The following SLC37A2 variants were observed in gnomAD, a reference collection of about 807,000 sequenced individuals.
SLC37A2 encodes the protein solute carrier family 37 member 2.
Under a neutral mutation model 70.7 loss-of-function variants are expected in SLC37A2, and 59 were observed. The ratio of observed to expected loss-of-function variants is 0.83; its 90% CI spans 0.68 to 1.04. SLC37A2 has a LOEUF of 1.04. Among genes scored for constraint, SLC37A2 ranks in the 50% least tolerant of loss-of-function variants. The probability of loss-of-function intolerance (pLI) is 0.00; values close to 1 mark genes in which losing one functional copy is unlikely to be tolerated. For synonymous variants in SLC37A2, 257 were observed against 262.1 expected (o/e 0.98, Z 0.19); for missense variants, 580 against 658.1 (o/e 0.88, Z 1.30).
At position 125,085,611 on chromosome 11, in the gene SLC37A2, C is replaced by T; in HGVS notation, c.1362C>T (p.Ile454=). 6.2e-7 allele frequency: 1 copy of T among 1,613,880 alleles called. No homozygotes were observed. Among genetic ancestry groups the T allele is most frequent in the Non-Finnish European group, 8.5e-7 (1 of 1,180,026 alleles). ...AALGPLLAGL[I]SPTGWNNVFY... ...TGGGGCCTCTGCTGGCTGGGCTCAT[C>T]TCCCCCACGGGCTGGAACAATGTCT... Residue 454 remains isoleucine (I), a synonymous_variant, in exon 16 of 18, where the codon ATC becomes ATT. Transcript: ENST00000403796.
intron 10 of SLC37A2, 50 bp downstream of exon 10, chr11:125,082,384 G>C: frequency 6.6e-7 from 1 of 1,525,290 alleles, no homozygotes; most frequent in Non-Finnish European, 9.1e-7. Context: ...GGCCAAGGCT[G>C]CCTCTGGTGG....
At position 125,081,869 on chromosome 11, in the gene SLC37A2, C is replaced by T; in HGVS notation, c.848C>T (p.Pro283Leu). Residue 283 changes from proline to leucine, a missense_variant, in exon 9 of 18, where the codon CCT becomes CTT. Transcript: ENST00000403796. ...AKCSKGPCEE[P>L]AAISFFGALR... ...TGCTCCAAGGGGCCATGCGAAGAGC[C>T]TGCTGCCATCAGCTTCTTTGGGGCG... is the stretch of plus-strand genomic sequence containing the variant. The T allele has an allele frequency of 6.2e-7, 1 of 1,613,550 alleles. No individual in the cohort carries two copies. The highest frequency in any genetic ancestry group is 8.5e-7 in the Non-Finnish European group (1 of 1,179,730).
intron 17 of SLC37A2, 91 bp from the exon 18 acceptor site, chr11:125,088,028 C>A (rs1949241762): frequency 7.1e-7 from 1 of 1,408,122 alleles, no homozygotes; most frequent in Non-Finnish European, 9.8e-7. Context: ...GATGAAGGGA[C>A]CCTGGGACCC....
intron 1 of SLC37A2, among the ~76,000 whole-genome samples, chr11:125,076,289 G>T (rs369704194): frequency 1.3e-5 from 2 of 152,090 alleles, no homozygotes; most frequent in African/African-American, 4.8e-5. Flanking sequence ...TGTCTGCCCT[G>T]TTCGAAGCTT....
intron 14 of SLC37A2, 116 bp from the exon 15 acceptor site, chr11:125,085,278 CT>C: frequency 1.6e-6 from 2 of 1,269,230 alleles, no homozygotes; most frequent in African/African-American, 1.5e-5. Context: ...CCATGGGCCC[CT>C]CTCCTCTCAA....
intron 1 of SLC37A2, among the ~76,000 whole-genome samples, chr11:125,076,419 C>T (rs952710388): frequency 1.1e-4 from 17 of 152,220 alleles, no homozygotes; most frequent in Non-Finnish European, 2.9e-5. Flanking sequence ...CTGCCACACA[C>T]ATGCACACAC....
chr11:125,081,469 G>A lies in SLC37A2; in HGVS notation c.732+11G>A. On this transcript the variant is annotated intron_variant, in intron 8 of 17. Transcript: ENST00000403796. The stretch of plus-strand genomic sequence containing the variant: ...CCTCCTCAGCACCACGTGAGTGTGA[G>A]CCCTCCCAGCCCTATCCCTGCCCTC... 1 of 1,606,424 alleles carries A rather than the reference G, an allele frequency of 6.2e-7. No individual in the cohort carries two copies. The highest frequency in any genetic ancestry group is 8.5e-7 in the Non-Finnish European group (1 of 1,175,512).
At chr11:125,065,746 G>T (rs1185064488) in intron 1 of SLC37A2, among the ~76,000 whole-genome samples, 2 of 151,218 alleles carry the variant, frequency 1.3e-5, no homozygotes, top group Non-Finnish European at 2.9e-5. Context: ...TTCTAATTAT[G>T]TACTGGTAAA....
At chr11:125,085,203 C>T (rs1949194648) in intron 14 of SLC37A2, 64 bp downstream of exon 14, 4 of 1,500,728 alleles carry the variant, frequency 2.7e-6, no homozygotes, top group Admixed American at 1.7e-5. Context: ...GCCACCATCT[C>T]CAGGTCCATT....
At position 125,077,536 on chromosome 11, in the gene SLC37A2, C is replaced by G. The variant is rs756830585; in HGVS notation, c.314+8C>G. 6.2e-7 allele frequency: 1 copy of G among 1,611,064 alleles called. No homozygotes were observed. Among genetic ancestry groups the G allele is most frequent in the African/African-American group, 1.3e-5 (1 of 74,974 alleles). The stretch of plus-strand genomic sequence containing the variant: ...CATCGGCATGTTCATCAGGTAAGGA[C>G]AGAGGCTGAGCCTATGACCAAGAGG... On this transcript the variant is annotated splice_region_variant and intron_variant, in intron 4 of 17. Transcript: ENST00000403796.
intron 1 of SLC37A2, among the ~76,000 whole-genome samples, chr11:125,064,945 A>T (rs1358436765): frequency 6.6e-6 from 1 of 152,240 alleles, no homozygotes; most frequent in Non-Finnish European, 1.5e-5. Flanking sequence ...GGCAAAATTT[A>T]TGTTATGTAT....
Position 125,088,191 on chromosome 11 carries a change from C to A in SLC37A2, c.*57C>A. 1 of 1,540,272 alleles carries A rather than the reference C, an allele frequency of 6.5e-7. No homozygotes were observed. Among genetic ancestry groups the A allele is most frequent in the East Asian group, 2.5e-5 (1 of 40,786 alleles). On this transcript the variant is annotated 3_prime_UTR_variant, in exon 18 of 18. Transcript: ENST00000403796. Reference sequence around the variant, plus strand: ...CCAGTTGGGTCCCCAACGTGCTCCCCATGGGCAAGACAATGGAAACTTCCA... The same window carrying A: ...CCAGTTGGGTCCCCAACGTGCTCCCAATGGGCAAGACAATGGAAACTTCCA...
At position 125,080,405 on chromosome 11, in the gene SLC37A2, G is replaced by T. The variant is rs1949133638; in HGVS notation, c.528-209G>T. Among the ~76,000 whole-genome samples, 1 of 152,152 alleles carries T rather than the reference G, an allele frequency of 6.6e-6. No homozygotes were observed. Among genetic ancestry groups the T allele is most frequent in the South Asian group, 2.1e-4 (1 of 4,826 alleles). On this transcript the variant is annotated intron_variant, in intron 6 of 17. Transcript: ENST00000403796. The surrounding 1 kb of genome is among the most constrained non-coding windows in gnomAD (Gnocchi z 4.3). ...GGCACTCACTCAGGGAGCTGGGCAG[G>T]CGGAGCGAGACCACAGGCCCTGCAG... is the stretch of plus-strand genomic sequence containing the variant.
intron 16 of SLC37A2, 79 bp from the exon 17 acceptor site, chr11:125,085,875 A>C (rs537043776): frequency 7.1e-6 from 10 of 1,407,234 alleles, no homozygotes; most frequent in South Asian, 6.9e-5. Context: ...CTGCCAGTCC[A>C]CGGGTCACCC....
intron 1 of SLC37A2, among the ~76,000 whole-genome samples, chr11:125,071,648 G>C (rs1425445473): frequency 2.0e-5 from 3 of 152,214 alleles, no homozygotes; most frequent in Non-Finnish European, 4.4e-5. Context: ...ATGTGCCCAC[G>C]TCCCAGCTGG....
At position 125,063,558 on chromosome 11, in the gene SLC37A2, T is replaced by A. The variant is rs1948952098; in HGVS notation, c.59+132T>A. 1 of 804,326 alleles carries A rather than the reference T, an allele frequency of 1.2e-6. No homozygotes were observed. The allele number at this position is 804,326 out of a possible 1,614,324, so 49.8% of individuals were successfully genotyped here. ...CGTGGCCAGGGGTGCTGGGGGGACT[T>A]GGTCCCGAGCTCCTCCAGCGGCGCC... On this transcript the variant is annotated intron_variant, in intron 1 of 17. Transcript: ENST00000403796. The surrounding 1 kb of genome is among the most constrained non-coding windows in gnomAD (Gnocchi z 5.4).
intron 1 of SLC37A2, among the ~76,000 whole-genome samples, chr11:125,073,051 T>TG (rs1442196780): frequency 4.6e-5 from 7 of 152,036 alleles, no homozygotes; most frequent in Admixed American, 2.6e-4. Context: ...GGCAGCATCA[T>TG]GGGGGACTCC....
At chr11:125,065,443 C>T (rs1056007140) in intron 1 of SLC37A2, among the ~76,000 whole-genome samples, 42 of 152,042 alleles carry the variant, frequency 2.8e-4, no homozygotes, top group Non-Finnish European at 5.0e-4. Flanking sequence ...ATTAGTAAGC[C>T]GAGTCAAGAA....
intron 2 of SLC37A2, among the ~76,000 whole-genome samples, 181 bp from the exon 3 acceptor site, chr11:125,077,049 G>A (rs1471401292): frequency 6.6e-6 from 1 of 152,194 alleles, no homozygotes; most frequent in East Asian, 1.9e-4. Flanking sequence ...TGGGCTATGT[G>A]GATGCTGCTC....
Sources: allele counts gnomAD v4.1 joint callset (sites outside exome capture counted in the v4.1 genomes callset), GRCh38; gene constraint gnomAD v4.1.1; non-coding constraint Gnocchi (gnomAD v3.1); transcripts MANE v1.5; gene names NCBI Gene and HGNC (gene_info 2026-07-23, HGNC 2026-07-21).